Variants in TEX11 observed in about 807,000 individuals in gnomAD.
The protein encoded by TEX11 is testis-expressed protein 11.
In TEX11, 7 loss-of-function variants were observed where a neutral mutation model predicts 84.4. That is an observed-to-expected ratio of 0.08 (90% confidence interval 0.05 to 0.16). The LOEUF (loss-of-function observed/expected upper bound fraction) is 0.16, where lower values mean the gene tolerates loss of function less well. TEX11 is among the 10% of genes least tolerant of loss of function. The probability of loss-of-function intolerance (pLI) is 1.00; values close to 1 mark genes in which losing one functional copy is unlikely to be tolerated. For missense variants in TEX11, 551 were observed against 660.5 expected, an observed-to-expected ratio of 0.83 and a Z score of 1.82; for synonymous variants, 264 against 222.8, an observed-to-expected ratio of 1.18 and a Z score of -1.64.
intron 25 of TEX11, among the ~76,000 whole-genome samples, chrX:70,559,681 C>T (rs1365767171): frequency 8.9e-6 from 1 of 112,247 alleles, no homozygotes; most frequent in Non-Finnish European, 1.9e-5. Flanking sequence ...TGCTATCAGA[C>T]GTTCATTCTT....
intron 4 of TEX11, among the ~76,000 whole-genome samples, chrX:70,872,686 T>C (rs2091635561): frequency 8.9e-6 from 1 of 112,091 alleles, no homozygotes; most frequent in Non-Finnish European, 1.9e-5. Context: ...AGATTTTTGG[T>C]TTTTTTGTTC....
chrX:70,624,534 C>A (rs1984060501), intron 19 of TEX11, among the ~76,000 whole-genome samples: 1 of 111,903 alleles, frequency 8.9e-6, no homozygotes, highest in African/African-American at 3.2e-5. Flanking sequence ...TGAAGGGATG[C>A]AAGTATCTCA....
In TEX11 at chrX:70,629,653, T is replaced by C; in HGVS notation, c.1566A>G (p.Ser522=). The C allele has an allele frequency of 8.3e-7, 1 of 1,207,187 alleles. No homozygotes were observed. Among genetic ancestry groups the C allele is most frequent in the Non-Finnish European group, 1.1e-6 (1 of 891,920 alleles). Residue 522 remains serine, a synonymous_variant, in exon 18 of 30, where the codon TCA becomes TCG. Coordinates refer to ENST00000374333, the MANE Select transcript of TEX11 (RefSeq NM_031276.3). ...CAGCTAAACTTAGAAGCATGGTAGG[T>C]GAACCTCTCTCTGCAACTAGATCAT... ...EDNDLVAERG[S]PTMLLSLAAQ... is the part of the protein sequence containing the mutation.
At chrX:70,744,055 G>A (rs769167901) in intron 10 of TEX11, 110 bp downstream of exon 10, 3 of 298,329 alleles carry the variant, frequency 1.0e-5, no homozygotes, top group African/African-American at 2.9e-5. Context: ...TAAATGTTGT[G>A]CCCAATAGCT....
intron 18 of TEX11, among the ~76,000 whole-genome samples, chrX:70,625,759 ATTTTCT>A (rs1347028570): frequency 3.4e-5 from 3 of 89,312 alleles, no homozygotes; most frequent in East Asian, 3.3e-4. Context: ...AATTTTTGGC[ATTTTCT>A]TTTTCTTTTT....
chrX:70,896,863 C>G (rs926138275), intron 2 of TEX11, among the ~76,000 whole-genome samples: 1 of 109,113 alleles, frequency 9.2e-6, no homozygotes, highest in Non-Finnish European at 1.9e-5. Flanking sequence ...ACACCAGGGC[C>G]CATCAGGTGG....
At chrX:70,635,333 A>T (rs1194621855) in intron 17 of TEX11, among the ~76,000 whole-genome samples, 1 of 111,916 alleles carries the variant, frequency 8.9e-6, no homozygotes, top group African/African-American at 3.2e-5. Flanking sequence ...CGGCAGTAAA[A>T]CTCATCACTG....
chrX:70,842,821 A>T (rs2091454827), intron 7 of TEX11, among the ~76,000 whole-genome samples: 1 of 111,699 alleles, frequency 9.0e-6, no homozygotes, highest in South Asian at 3.8e-4. Context: ...AATCACAAGC[A>T]TTCTTATACA....
rs150679373 is a variant in TEX11 at position 70,585,349 on chromosome X, G to T, written c.2140+6402C>A. 1.4e-4 allele frequency among the ~76,000 whole-genome samples: 16 copies of T among 112,231 alleles called. No individual in the cohort carries two copies. The East Asian group carries it at 4.5e-3, about 31-fold the overall frequency. Reference sequence around the variant, plus strand: ...TGATTACTATAACACACTGATGAAAGACATTAAAGAAGACCTAAATAAATG... The same window carrying T: ...TGATTACTATAACACACTGATGAAATACATTAAAGAAGACCTAAATAAATG... On this transcript the variant is annotated intron_variant, in intron 25 of 29. Transcript: ENST00000374333.
intron 17 of TEX11, among the ~76,000 whole-genome samples, chrX:70,631,194 A>G (rs2147563177): frequency 8.9e-6 from 1 of 112,003 alleles, no homozygotes; most frequent in Admixed American, 9.5e-5. Flanking sequence ...CAAAATGTAT[A>G]TTCCTCTCAA....
chrX:70,555,431 C>G (rs1569323298), intron 25 of TEX11, among the ~76,000 whole-genome samples: 1 of 111,945 alleles, frequency 8.9e-6, no homozygotes, highest in East Asian at 2.8e-4. Context: ...AAGAAGTGCT[C>G]TAACCTTAAA....
intron 13 of TEX11, among the ~76,000 whole-genome samples, chrX:70,710,513 G>A (rs186024240): frequency 1.8e-5 from 2 of 110,129 alleles, no homozygotes; most frequent in African/African-American, 6.6e-5. Flanking sequence ...AAATGGAGGG[G>A]TGATGAAGAC....
At position 70,853,261 on chromosome X, in the gene TEX11, T is replaced by C. The variant is rs191462531; in HGVS notation, c.392A>G (p.Gln131Arg). The change falls in exon 6 of 30, where the codon CAA becomes CGA. Residue 131 changes from glutamine (Q) to arginine (R), a missense_variant. Coordinates refer to ENST00000374333, the MANE Select transcript of TEX11 (RefSeq NM_031276.3). ...ATGGTAACTTACGGCCACAGCAGCT[T>C]GAAAACATTCATCAGCGATTAGAAA... ...GNFLIADECF[Q>R]AAVASLEQLY... is the part of the protein sequence containing the mutation. 3 of 1,210,634 alleles carry C rather than the reference T, an allele frequency of 2.5e-6. No homozygotes were observed. Among genetic ancestry groups the C allele is most frequent in the African/African-American group, 3.5e-5 (2 of 57,889 alleles).
At chrX:70,562,367 G>GTAA (rs1043319357) in intron 25 of TEX11, among the ~76,000 whole-genome samples, 1 of 110,956 alleles carries the variant, frequency 9.0e-6, no homozygotes, top group Non-Finnish European at 1.9e-5. Context: ...TTTGGATACT[G>GTAA]TAATAATTTT....
At chrX:70,565,609 G>C (rs2088456756) in intron 25 of TEX11, among the ~76,000 whole-genome samples, 1 of 110,878 alleles carries the variant, frequency 9.0e-6, no homozygotes, top group Non-Finnish European at 1.9e-5. Context: ...TCCAGTTTCA[G>C]CTTTCTACAT....
chrX:70,521,657 A>C, the TEX11 span, among the ~76,000 whole-genome samples: 3 of 111,720 alleles, frequency 2.7e-5, 1 homozygote, highest in Admixed American at 2.9e-4. Context: ...TTTGCTGTTT[A>C]TTACCGAATT....
intron 13 of TEX11, among the ~76,000 whole-genome samples, chrX:70,719,717 A>G (rs761670837): frequency 7.9e-4 from 89 of 112,513 alleles, no homozygotes; most frequent in African/African-American, 2.6e-3. Flanking sequence ...AAGGATATGA[A>G]CAGACACTTC....
intron 18 of TEX11, among the ~76,000 whole-genome samples, chrX:70,625,794 AT>A (rs2089444041): frequency 2.1e-5 from 2 of 96,177 alleles, no homozygotes; most frequent in African/African-American, 3.9e-5. Context: ...TTTTTTTAAG[AT>A]GGATTCTTGC....
At chrX:70,754,538 G>A (rs1339608743) in intron 9 of TEX11, among the ~76,000 whole-genome samples, 1 of 111,911 alleles carries the variant, frequency 8.9e-6, no homozygotes, top group Non-Finnish European at 1.9e-5. Context: ...CTGCCCTGAA[G>A]GGAAGAACAC....
Sources: allele counts gnomAD v4.1 joint callset (sites outside exome capture counted in the v4.1 genomes callset), GRCh38; gene constraint gnomAD v4.1.1; transcripts MANE v1.5; gene names NCBI Gene and HGNC (gene_info 2026-07-23, HGNC 2026-07-21).